The following RALGAPA1 variants were observed in gnomAD, a reference collection of about 807,000 sequenced individuals.
RALGAPA1 encodes ral GTPase-activating protein subunit alpha-1.
RALGAPA1 carries 52 observed loss-of-function variants against 269.6 expected under a neutral mutation model. The ratio of observed to expected loss-of-function variants is 0.19; its 90% CI spans 0.15 to 0.24. RALGAPA1 has a LOEUF of 0.24. RALGAPA1 is among the 10% of genes least tolerant of loss of function. The pLI is 1.00. For missense variants in RALGAPA1, 1,917 were observed against 3,013.9 expected, an observed-to-expected ratio of 0.64 and a Z score of 8.52; for synonymous variants, 817 against 1,008.3, an observed-to-expected ratio of 0.81 and a Z score of 3.60.
At chr14:35,706,519 T>G (rs1381574195) in intron 16 of RALGAPA1, 1 of 152,196 alleles carries the variant, frequency 6.6e-6, no homozygotes, top group Non-Finnish European at 1.5e-5. Context: ...CTTTCTTGAT[T>G]ACTATATTAA....
At chr14:35,669,187 T>C (rs537106183) in intron 26 of RALGAPA1, among the ~76,000 whole-genome samples, 1 of 152,240 alleles carries the variant, frequency 6.6e-6, no homozygotes, top group Admixed American at 6.5e-5. Context: ...ATTGCACATA[T>C]AACGTGTCAC....
At chr14:35,678,362 A>G (rs2065135179) in intron 21 of RALGAPA1, among the ~76,000 whole-genome samples, 2 of 152,214 alleles carry the variant, frequency 1.3e-5, no homozygotes, top group Non-Finnish European at 2.9e-5. Flanking sequence ...AGTGAAACTA[A>G]GAATATCTAC....
At chr14:35,589,880 G>A (rs962940791) in intron 37 of RALGAPA1, among the ~76,000 whole-genome samples, 8 of 151,840 alleles carry the variant, frequency 5.3e-5, no homozygotes, top group African/African-American at 1.7e-4. Flanking sequence ...TTTTTGTAAG[G>A]ACAGGGTGTC....
At chr14:35,690,940 A>G (rs2066425195) in intron 17 of RALGAPA1, among the ~76,000 whole-genome samples, 1 of 152,008 alleles carries the variant, frequency 6.6e-6, no homozygotes, top group Non-Finnish European at 1.5e-5. Flanking sequence ...GTGGTGGTGC[A>G]TGCCTGTAAT....
At chr14:35,790,037 G>C (rs1488773549) in intron 1 of RALGAPA1, among the ~76,000 whole-genome samples, 2 of 151,860 alleles carry the variant, frequency 1.3e-5, no homozygotes, top group Non-Finnish European at 2.9e-5. Flanking sequence ...TGGATCTCTT[G>C]AAGCCGGGAG....
chr14:35,739,068 A>G (rs1448478282), intron 11 of RALGAPA1, among the ~76,000 whole-genome samples: 2 of 152,074 alleles, frequency 1.3e-5, no homozygotes, highest in African/African-American at 4.8e-5. Flanking sequence ...TGTTTATCCT[A>G]CTTAGGAGTA....
At chr14:35,777,766 T>C (rs923440446) in intron 1 of RALGAPA1, among the ~76,000 whole-genome samples, 1 of 152,094 alleles carries the variant, frequency 6.6e-6, no homozygotes, top group Non-Finnish European at 1.5e-5. Context: ...TCTCACTATG[T>C]TGGCCAGCCT....
intron 17 of RALGAPA1, among the ~76,000 whole-genome samples, chr14:35,697,846 C>T (rs909485919): frequency 3.9e-5 from 6 of 152,028 alleles, no homozygotes; most frequent in African/African-American, 1.4e-4. Flanking sequence ...GTGACAGGTT[C>T]CTTGCCTCTT....
At chr14:35,746,045 C>G (rs2072062942) in intron 10 of RALGAPA1, among the ~76,000 whole-genome samples, 1 of 152,090 alleles carries the variant, frequency 6.6e-6, no homozygotes, top group Admixed American at 6.5e-5. Flanking sequence ...TGTACTCCAG[C>G]CTGGGAAATG....
chr14:35,640,661 T>C (rs1403073825), intron 31 of RALGAPA1, among the ~76,000 whole-genome samples: 1 of 152,016 alleles, frequency 6.6e-6, no homozygotes, highest in African/African-American at 2.4e-5. Context: ...TACCAAACAT[T>C]TAAAGAACTA....
intron 9 of RALGAPA1, among the ~76,000 whole-genome samples, chr14:35,749,502 C>T (rs1171479816): frequency 3.3e-5 from 5 of 152,114 alleles, no homozygotes; most frequent in Admixed American, 2.6e-4. Context: ...AAATTACTTT[C>T]TGTTAAGTTA....
chr14:35,748,523 T>C, intron 10 of RALGAPA1, 62 bp downstream of exon 10: 1 of 1,493,126 alleles, frequency 6.7e-7, no homozygotes, highest in Non-Finnish European at 8.9e-7. Context: ...TAAAAATCAG[T>C]ATGTTTAATA....
intron 1 of RALGAPA1, among the ~76,000 whole-genome samples, chr14:35,805,494 A>AT (rs1429731059): frequency 6.6e-6 from 1 of 150,994 alleles, no homozygotes; most frequent in Admixed American, 6.6e-5. Context: ...GCATAATTCC[A>AT]TTTTTATGCT....
chr14:35,766,782 T>A, intron 4 of RALGAPA1: 1 of 512,482 alleles, frequency 2.0e-6, no homozygotes, highest in South Asian at 1.5e-5. Context: ...TGGAGTATGC[T>A]AACTCCCACC....
chr14:35,803,486 AAATT>A (rs1238676784), intron 1 of RALGAPA1, among the ~76,000 whole-genome samples: 1 of 152,146 alleles, frequency 6.6e-6, no homozygotes, highest in African/African-American at 2.4e-5. Flanking sequence ...TAGACAATAA[AAATT>A]AACCATTTCT....
rs1226447705 is a variant in RALGAPA1 at position 35,578,041 on chromosome 14, C to G, written c.7210-5323G>C. Among the ~76,000 whole-genome samples, 4 of 152,114 alleles carry G rather than the reference C, an allele frequency of 2.6e-5. 1 individual carries two copies. The highest frequency in any genetic ancestry group is 5.9e-5 in the Non-Finnish European group (4 of 68,004). On this transcript the variant is annotated intron_variant, in intron 37 of 41. Coordinates refer to ENST00000680220, the MANE Select transcript of RALGAPA1 (RefSeq NM_001346249.2). ...AGGTCTTAAAAGTCTTTTTTCTCTT[C>G]CTTCCCTCCTCCATATCCACCTTCT...
intron 4 of RALGAPA1, chr14:35,766,194 C>T: frequency 2.4e-6 from 2 of 830,018 alleles, no homozygotes; most frequent in Admixed American, 3.4e-5. Context: ...CCATCATGGT[C>T]TCATTTCCCT....
At chr14:35,782,327 AC>A (rs1199370390) in intron 1 of RALGAPA1, among the ~76,000 whole-genome samples, 2 of 152,320 alleles carry the variant, frequency 1.3e-5, no homozygotes, top group East Asian at 3.9e-4. Context: ...AAAGACTAAA[AC>A]AAATGGAGAC....
At chr14:35,578,813 G>T (rs1014437142) in intron 37 of RALGAPA1, among the ~76,000 whole-genome samples, 2 of 152,194 alleles carry the variant, frequency 1.3e-5, no homozygotes, top group African/African-American at 4.8e-5. Context: ...TATGGTAGCT[G>T]TGGTAATTCA....
Sources: gnomAD v4.1 joint callset for allele counts (sites outside exome capture counted in the v4.1 genomes callset) on GRCh38, gnomAD v4.1.1 for gene constraint, MANE v1.5 for transcripts, NCBI Gene and HGNC (gene_info 2026-07-23, HGNC 2026-07-21) for gene names.